Variants in SYN2 observed in about 807,000 individuals in gnomAD.
SYN2 encodes synapsin-2.
Under a neutral mutation model 50.9 loss-of-function variants are expected in SYN2, and 19 were observed. The ratio of observed to expected loss-of-function variants is 0.37; its 90% CI spans 0.26 to 0.55. The LOEUF (loss-of-function observed/expected upper bound fraction) is 0.55, where lower values mean the gene tolerates loss of function less well. SYN2 is among the 20% of genes least tolerant of loss of function. SYN2 has a pLI of 0.81. For synonymous variants in SYN2, 255 were observed against 224.9 expected, an observed-to-expected ratio of 1.13 and a Z score of -1.20; for missense variants, 587 against 576.4, an observed-to-expected ratio of 1.02 and a Z score of -0.19.
At chr3:12,162,767 T>G (rs187970241) in intron 7 of SYN2, among the ~76,000 whole-genome samples, 23 of 152,282 alleles carry the variant, frequency 1.5e-4, no homozygotes, top group Non-Finnish European at 3.1e-4. Context: ...CTACAGAACA[T>G]TAAAAGCCCA....
rs745549124 is a variant in SYN2, at chr3:12,169,757, G to A, written c.1159G>A (p.Val387Ile). 6.2e-7 allele frequency: 1 copy of A among 1,613,716 alleles called. No homozygotes were observed. The highest frequency in any genetic ancestry group is 8.5e-7 in the Non-Finnish European group (1 of 1,179,828). Residue 387 changes from valine (V) to isoleucine (I), a missense_variant and splice_region_variant, in exon 10 of 13, where the codon GTC becomes ATC. Transcript: ENST00000621198. Reference protein sequence around the residue: ...GKDGKDYIFEVMDCSMPLIGE... With the variant: ...GKDGKDYIFEIMDCSMPLIGE... ...TCACCTGGGACACATCTCCCACCAG[G>A]TCATGGACTGTAGCATGCCACTGAT...
chr3:12,018,672 A>G (rs1192804449), intron 1 of SYN2, among the ~76,000 whole-genome samples: 4 of 152,206 alleles, frequency 2.6e-5, no homozygotes, highest in Non-Finnish European at 5.9e-5. Context: ...TCATGCCGTA[A>G]CAATTTGCTA....
chr3:12,112,445 T>C (rs1357177221), intron 1 of SYN2, among the ~76,000 whole-genome samples: 1 of 152,156 alleles, frequency 6.6e-6, no homozygotes, highest in East Asian at 1.9e-4. Flanking sequence ...AGCTTATAGC[T>C]GTGGAAGACA....
In SYN2 at chr3:12,111,781, T is replaced by C. The variant is rs141691117; in HGVS notation, c.378-28870T>C. Among the ~76,000 whole-genome samples the C allele has an allele frequency of 1.4e-4, 21 of 152,366 alleles. No individual in the cohort carries two copies. The East Asian group carries it at 3.9e-3, about 28-fold the overall frequency. ...CCAAACTCCTTGCTCATCAGTTCAC[T>C]GCTTTGGGCCATTCATTCCTAGGGA... On this transcript the variant is annotated intron_variant, in intron 1 of 12. Coordinates refer to ENST00000621198, the MANE Select transcript of SYN2 (RefSeq NM_133625.6).
At chr3:12,157,695 C>T (rs1380257158) in intron 5 of SYN2, among the ~76,000 whole-genome samples, 1 of 152,162 alleles carries the variant, frequency 6.6e-6, no homozygotes, top group African/African-American at 2.4e-5. Context: ...TTATTAGGTC[C>T]TATAACCGCT....
chr3:12,091,047 C>G (rs1009014940), intron 1 of SYN2, among the ~76,000 whole-genome samples: 123 of 152,276 alleles, frequency 8.1e-4, no homozygotes, highest in African/African-American at 2.9e-3. Context: ...TCTTCTATCT[C>G]TTCCCCTCAT....
intron 1 of SYN2, among the ~76,000 whole-genome samples, chr3:12,020,430 G>C (rs1382865381): frequency 6.6e-6 from 1 of 150,578 alleles, no homozygotes; most frequent in Non-Finnish European, 1.5e-5. Flanking sequence ...TGGAGTAGAA[G>C]GGCAGTGGGT....
intron 7 of SYN2, among the ~76,000 whole-genome samples, chr3:12,164,219 A>G (rs1697726818): frequency 6.6e-6 from 1 of 152,210 alleles, no homozygotes; most frequent in Non-Finnish European, 1.5e-5. Flanking sequence ...TAAACACAAA[A>G]CATTAATGAC....
intron 1 of SYN2, among the ~76,000 whole-genome samples, chr3:12,097,468 T>C (rs1695961139): frequency 1.3e-5 from 2 of 151,904 alleles, no homozygotes; most frequent in South Asian, 2.1e-4. Flanking sequence ...TGGCCGGGTG[T>C]GGTGGCGCAC....
chr3:12,132,677 C>G (rs1468678216), intron 1 of SYN2, among the ~76,000 whole-genome samples: 1 of 152,136 alleles, frequency 6.6e-6, no homozygotes, highest in Admixed American at 6.5e-5. Context: ...TCACTTTTGT[C>G]CAGATAAGTG....
chr3:12,173,147 A>G (rs1309519596), intron 10 of SYN2, among the ~76,000 whole-genome samples: 4 of 152,090 alleles, frequency 2.6e-5, no homozygotes, highest in Non-Finnish European at 5.9e-5. Flanking sequence ...TTGTGCCTTC[A>G]CCTCAGGCCA....
intron 1 of SYN2, among the ~76,000 whole-genome samples, chr3:12,107,252 G>A (rs1484602383): frequency 6.6e-6 from 1 of 152,116 alleles, no homozygotes; most frequent in Non-Finnish European, 1.5e-5. Flanking sequence ...ATATCCAGAC[G>A]GATACCAACA....
chr3:12,094,691 C>T (rs1695891415), intron 1 of SYN2, among the ~76,000 whole-genome samples: 1 of 152,100 alleles, frequency 6.6e-6, no homozygotes, highest in Admixed American at 6.5e-5. Flanking sequence ...CCTTTGAGTG[C>T]CTAGCACATA....
chr3:12,128,492 T>C (rs530747964), intron 1 of SYN2, among the ~76,000 whole-genome samples: 3 of 152,324 alleles, frequency 2.0e-5, no homozygotes, highest in African/African-American at 7.2e-5. Context: ...CAGGCTTCTG[T>C]TTCTTCACAA....
rs1013936127 is a variant in SYN2, at chr3:12,163,023, G to T, written c.980+869G>T. Among the ~76,000 whole-genome samples the T allele has an allele frequency of 2.0e-5, 3 of 151,990 alleles. No homozygotes were observed. The South Asian group carries it at 6.2e-4, about 32-fold the overall frequency. On this transcript the variant is annotated intron_variant, in intron 7 of 12. Coordinates refer to ENST00000621198, the MANE Select transcript of SYN2 (RefSeq NM_133625.6). ...TGGGAGGCCGAGGCGGGCGGATCAC[G>T]AGGTCAGGAGATCAAGACCATCCTG... is the stretch of plus-strand genomic sequence containing the variant.
chr3:12,098,825 A>G (rs1004196110), intron 1 of SYN2, among the ~76,000 whole-genome samples: 1 of 147,400 alleles, frequency 6.8e-6, no homozygotes, highest in Non-Finnish European at 1.5e-5. Flanking sequence ...CATTAAAGTC[A>G]TTAAAGTCAC....
At position 12,183,249 on chromosome 3, in the gene SYN2, G is replaced by T. The variant is rs1457790357; in HGVS notation, c.1309-63G>T. The stretch of plus-strand genomic sequence containing the variant: ...TGCGGCCTTGCCATGGAGCCACGTG[G>T]TTTCTCTTTGGAATTCAGTGGCTTG... On this transcript the variant is annotated intron_variant, in intron 10 of 12. Coordinates refer to ENST00000621198, the MANE Select transcript of SYN2 (RefSeq NM_133625.6). 3.2e-6 allele frequency: 5 copies of T among 1,559,214 alleles called. No individual in the cohort carries two copies. The East Asian group carries it at 1.2e-4, about 36-fold the overall frequency.
At position 12,014,645 on chromosome 3, in the gene SYN2, G is replaced by T. The variant is rs543238575; in HGVS notation, c.377+9717G>T. Reference sequence around the variant, plus strand: ...CAAGGAACCATTTTTCTGAAAATTCGGTCTTCTTTTTTCCTCAGTGTGAAA... The same window carrying T: ...CAAGGAACCATTTTTCTGAAAATTCTGTCTTCTTTTTTCCTCAGTGTGAAA... On this transcript the variant is annotated intron_variant, in intron 1 of 12. Coordinates refer to ENST00000621198, the MANE Select transcript of SYN2 (RefSeq NM_133625.6). Among the ~76,000 whole-genome samples, 11 of 152,178 alleles carry T rather than the reference G, an allele frequency of 7.2e-5. No individual in the cohort carries two copies. The South Asian group carries it at 2.3e-3, about 32-fold the overall frequency.
At chr3:12,070,529 G>A (rs556527836) in intron 1 of SYN2, 45 of 894,494 alleles carry the variant, frequency 5.0e-5, no homozygotes, top group South Asian at 7.7e-5. Flanking sequence ...GTGTGGCCCC[G>A]GAGGAGCACC....
Sources: gnomAD v4.1 joint callset for allele counts (sites outside exome capture counted in the v4.1 genomes callset) on GRCh38, gnomAD v4.1.1 for gene constraint, MANE v1.5 for transcripts, NCBI Gene and HGNC (gene_info 2026-07-23, HGNC 2026-07-21) for gene names.